Variants in ANKRD44 observed in about 807,000 individuals in gnomAD.
ANKRD44 encodes ankyrin repeat domain 44.
Under a neutral mutation model 116.0 loss-of-function variants are expected in ANKRD44, and 35 were observed. The observed-to-expected ratio is 0.30, with a 90% CI of 0.23 to 0.40. ANKRD44 has a LOEUF of 0.40. ANKRD44 is among the 10% of genes least tolerant of loss of function. ANKRD44 has a pLI of 1.00. For synonymous variants in ANKRD44, 435 were observed against 461.8 expected, an observed-to-expected ratio of 0.94 and a Z score of 0.74; for missense variants, 1,014 against 1,242.6, an observed-to-expected ratio of 0.82 and a Z score of 2.77.
chr2:196,986,613 A>C (rs1258375413), downstream of ANKRD44: 2 of 802,292 alleles, frequency 2.5e-6, no homozygotes, highest in African/African-American at 3.7e-5. Context: ...CAAAGATTTA[A>C]ATTAGCATAA....
At position 197,218,751 on chromosome 2, in the gene ANKRD44, C is replaced by CTTTTT. The variant is rs138330364; in HGVS notation, c.28-31650_28-31646dup. 3.8e-4 allele frequency among the ~76,000 whole-genome samples: 20 copies of CTTTTT among 52,346 alleles called. 2 individuals are homozygous for CTTTTT. Among genetic ancestry groups the CTTTTT allele is most frequent in the African/African-American group, 1.2e-3 (17 of 14,440 alleles). The allele number at this position is 52,346 out of a possible 152,430, so 34.3% of individuals were successfully genotyped here. On this transcript the variant is annotated intron_variant, in intron 1 of 27. Coordinates refer to ENST00000282272, the MANE Select transcript of ANKRD44 (RefSeq NM_001195144.2). ...TTCCTGGTATGGGAGGGTAAAGTCC[C>CTTTTT]TTTTTTTTTTTTTTTTTTTTTTTTT...
chr2:196,987,342 T>C lies in ANKRD44; in HGVS notation c.*2249A>G, dbSNP rs949389322. ...AAAAGTTGAAATGAAAACTCACTGG[T>C]ATCATATTGCTCTGATAACACTCAA... On this transcript the variant is annotated 3_prime_UTR_variant, in exon 28 of 28. Transcript: ENST00000282272. 3.5e-5 allele frequency: 34 copies of C among 985,116 alleles called. No individual in the cohort carries two copies. The highest frequency in any genetic ancestry group is 5.2e-4 in the Middle Eastern group (1 of 1,936). 61.0% of individuals were successfully genotyped at this position (985,116 alleles called of 1,614,324 possible).
intron 1 of ANKRD44, among the ~76,000 whole-genome samples, chr2:197,297,871 G>A (rs1490404980): frequency 1.3e-5 from 2 of 152,302 alleles, no homozygotes; most frequent in African/African-American, 4.8e-5. Flanking sequence ...CTCATCTCAT[G>A]AGCCCCAAGA....
intron 1 of ANKRD44, among the ~76,000 whole-genome samples, chr2:197,188,210 C>A (rs572842815): frequency 3.9e-5 from 6 of 152,226 alleles, no homozygotes; most frequent in Non-Finnish European, 7.4e-5. Flanking sequence ...CCCCAGCATG[C>A]AGTAGAAGGA....
At chr2:197,297,397 G>C (rs1341005715) in intron 1 of ANKRD44, among the ~76,000 whole-genome samples, 7 of 152,168 alleles carry the variant, frequency 4.6e-5, no homozygotes, top group African/African-American at 1.4e-4. Flanking sequence ...TATTTTCATA[G>C]AGCTGAAATT....
chr2:197,146,685 A>ATATACTCACTATACAT (rs1419379214), intron 3 of ANKRD44, among the ~76,000 whole-genome samples: 2 of 152,132 alleles, frequency 1.3e-5, no homozygotes, highest in African/African-American at 4.8e-5. Flanking sequence ...TAGTGTGTAT[A>ATATACTCACTATACAT]GGTGTATGTT....
At chr2:197,168,791 G>T (rs2080159418) in intron 2 of ANKRD44, among the ~76,000 whole-genome samples, 1 of 152,154 alleles carries the variant, frequency 6.6e-6, no homozygotes. Context: ...CCCATGTAGA[G>T]GTTAGAAGTA....
intron 1 of ANKRD44, among the ~76,000 whole-genome samples, chr2:197,265,522 C>T (rs1406173290): frequency 2.0e-5 from 3 of 152,174 alleles, no homozygotes; most frequent in Non-Finnish European, 4.4e-5. Context: ...GCTGGGATTA[C>T]AGGTGTGAGC....
At chr2:197,020,413 T>C (rs1487245515) in intron 17 of ANKRD44, among the ~76,000 whole-genome samples, 1 of 152,224 alleles carries the variant, frequency 6.6e-6, no homozygotes, top group Admixed American at 6.5e-5. Flanking sequence ...ATAGCAGGGG[T>C]GTCCAATCTT....
intron 15 of ANKRD44, among the ~76,000 whole-genome samples, chr2:197,081,385 A>C (rs2077792362): frequency 6.6e-6 from 1 of 152,226 alleles, no homozygotes; most frequent in Non-Finnish European, 1.5e-5. Flanking sequence ...TATTTAGGAC[A>C]CCAGGTCCTA....
In ANKRD44 at chr2:197,172,645, A is replaced by G. The variant is rs2125547660; in HGVS notation, c.111+14378T>C. Among the ~76,000 whole-genome samples, 3 of 152,068 alleles carry G rather than the reference A, an allele frequency of 2.0e-5. No homozygotes were observed. The Middle Eastern group carries it at 0.01, about 517-fold the overall frequency. On this transcript the variant is annotated intron_variant, in intron 2 of 27. Transcript: ENST00000282272. Reference sequence around the variant, plus strand: ...TCGCCCAGGCTGGGGTGCAGTCACAACCTCCATCTCCCAAGGTCAAGCAAT... The same window carrying G: ...TCGCCCAGGCTGGGGTGCAGTCACAGCCTCCATCTCCCAAGGTCAAGCAAT...
At chr2:197,221,486 T>C (rs964350653) in intron 1 of ANKRD44, among the ~76,000 whole-genome samples, 3 of 152,126 alleles carry the variant, frequency 2.0e-5, no homozygotes, top group African/African-American at 7.2e-5. Flanking sequence ...CTATGTTGCT[T>C]AGGCTGGAAA....
Position 196,998,326 on chromosome 2 carries a change from C to A in ANKRD44, c.2748+11G>T. 2 of 1,577,384 alleles carry A rather than the reference C, an allele frequency of 1.3e-6. No homozygotes were observed. Among genetic ancestry groups the A allele is most frequent in the Non-Finnish European group, 1.7e-6 (2 of 1,148,442 alleles). ...ACGTGAAGTAATAATATTTTAAATT[C>A]ATTTACATACTTTACTACAAGCCAA... On this transcript the variant is annotated intron_variant, in intron 25 of 27. Transcript: ENST00000282272.
At chr2:197,295,872 C>A (rs2083705793) in intron 1 of ANKRD44, among the ~76,000 whole-genome samples, 1 of 151,952 alleles carries the variant, frequency 6.6e-6, no homozygotes, top group African/African-American at 2.4e-5. Flanking sequence ...CCAGACTGGG[C>A]AACATGGTGA....
intron 1 of ANKRD44, among the ~76,000 whole-genome samples, chr2:197,254,559 T>C (rs1170341706): frequency 6.6e-6 from 1 of 151,544 alleles, no homozygotes; most frequent in Non-Finnish European, 1.5e-5. Context: ...TGTTCTACCT[T>C]AGTGTGTGTG....
At chr2:197,032,105 C>A (rs944244637) in intron 16 of ANKRD44, among the ~76,000 whole-genome samples, 5 of 152,104 alleles carry the variant, frequency 3.3e-5, no homozygotes, top group African/African-American at 1.2e-4. Context: ...GACTAGAAGA[C>A]AATATACTAT....
chr2:197,260,337 G>A (rs2082566685), intron 1 of ANKRD44, among the ~76,000 whole-genome samples: 2 of 152,206 alleles, frequency 1.3e-5, no homozygotes, highest in Middle Eastern at 3.4e-3. Flanking sequence ...TGTGGTGTTT[G>A]GTTTTTTGTC....
intron 17 of ANKRD44, among the ~76,000 whole-genome samples, chr2:197,014,335 G>A (rs373776376): frequency 1.3e-4 from 20 of 152,284 alleles, no homozygotes; most frequent in African/African-American, 4.8e-4. Flanking sequence ...AATTGCATAG[G>A]CTTTGCAAAA....
Position 197,119,332 on chromosome 2 carries a change from C to CA in ANKRD44, c.906+1999dup, listed in dbSNP as rs2078798883. Among the ~76,000 whole-genome samples the CA allele has an allele frequency of 1.3e-5, 2 of 152,200 alleles. 1 individual carries two copies. The highest frequency in any genetic ancestry group is 4.2e-4 in the South Asian group (2 of 4,818). ...TGGAGAGGCCCAAGCTCCTTGGGCT[C>CA]AAAATCATCCAGTAGATGAGTCCTC... On this transcript the variant is annotated intron_variant, in intron 8 of 27. Coordinates refer to ENST00000282272, the MANE Select transcript of ANKRD44 (RefSeq NM_001195144.2).
Sources: gnomAD v4.1 joint callset for allele counts (sites outside exome capture counted in the v4.1 genomes callset) on GRCh38, gnomAD v4.1.1 for gene constraint, MANE v1.5 for transcripts, NCBI Gene and HGNC (gene_info 2026-07-23, HGNC 2026-07-21) for gene names.